DNAH11: variants seen among roughly 807,000 people sequenced by gnomAD.
The protein encoded by DNAH11 is dynein axonemal heavy chain 11.
Under a neutral mutation model 526.0 loss-of-function variants are expected in DNAH11, and 442 were observed. The ratio of observed to expected loss-of-function variants is 0.84; its 90% CI spans 0.78 to 0.91. The LOEUF (loss-of-function observed/expected upper bound fraction) is 0.91. DNAH11 is among the 40% of genes least tolerant of loss of function. The pLI, the probability that DNAH11 is intolerant of heterozygous loss-of-function variation, is 0.00. For missense variants in DNAH11, 6,989 were observed against 5,448.7 expected, an observed-to-expected ratio of 1.28 and a Z score of -8.90; for synonymous variants, 2,461 against 1,935.9, an observed-to-expected ratio of 1.27 and a Z score of -7.12.
At chr7:21,653,504 G>T (rs17747892) in intron 28 of DNAH11, among the ~76,000 whole-genome samples, 7,838 of 152,228 alleles carry the variant, frequency 0.051, 228 homozygotes, top group Middle Eastern at 0.061. Flanking sequence ...ATGTGTGAGG[G>T]TGTCTGATGG....
chr7:21,714,074 A>C (rs1784559125), intron 42 of DNAH11, among the ~76,000 whole-genome samples: 1 of 152,134 alleles, frequency 6.6e-6, no homozygotes, highest in South Asian at 2.1e-4. Flanking sequence ...AGTGAATCTC[A>C]CAGCTCCCAA....
At chr7:21,868,068 C>T (rs1783352959) in intron 72 of DNAH11, 61 bp downstream of exon 72, 2 of 1,348,886 alleles carry the variant, frequency 1.5e-6, no homozygotes, top group African/African-American at 1.5e-5. Context: ...CACCCCCACC[C>T]CTGCCCTTCT....
intron 43 of DNAH11, among the ~76,000 whole-genome samples, chr7:21,718,621 A>G (rs73682683): frequency 0.05 from 7,630 of 152,210 alleles, 548 homozygotes; most frequent in East Asian, 0.21. Context: ...ATAATTCACA[A>G]CACACAGAAA....
chr7:21,549,988 C>T (rs76461153), intron 2 of DNAH11, among the ~76,000 whole-genome samples: 3,808 of 152,266 alleles, frequency 0.025, 82 homozygotes, highest in Non-Finnish European at 0.041. Context: ...CTGCCCGTTT[C>T]CATTTTGACC....
rs73682664 is a variant in DNAH11 at position 21,644,079 on chromosome 7, A to G, written c.4944+5014A>G. Among the ~76,000 whole-genome samples the G allele has an allele frequency of 2.8e-3, 430 of 152,334 alleles. 1 individual carries two copies. Among genetic ancestry groups the G allele is most frequent in the African/African-American group, 9.7e-3 (404 of 41,584 alleles). ...AATCTACACACAAGGAAATCTGCCA[A>G]CTTGTCTTTGGAGAAATCCCCTAAA... On this transcript the variant is annotated intron_variant, in intron 28 of 81. Coordinates refer to ENST00000409508, the MANE Select transcript of DNAH11 (RefSeq NM_001277115.2).
rs140536962 is a variant in DNAH11 at position 21,890,535 on chromosome 7, T to C, written c.12508-1890T>C. ...GTGGCTTCTGAAATTTCTTTCAATT[T>C]CCTAGTAAGCACAAACAGAGAAGAC... On this transcript the variant is annotated intron_variant, in intron 76 of 81. Coordinates refer to ENST00000409508, the MANE Select transcript of DNAH11 (RefSeq NM_001277115.2). Among the ~76,000 whole-genome samples the C allele has an allele frequency of 1.1e-3, 165 of 152,336 alleles. 2 individuals carry two copies. Among genetic ancestry groups the C allele is most frequent in the African/African-American group, 3.8e-3 (159 of 41,574 alleles).
chr7:21,612,633 G>A (rs1160057355), intron 20 of DNAH11, among the ~76,000 whole-genome samples: 2 of 150,656 alleles, frequency 1.3e-5, no homozygotes, highest in Non-Finnish European at 2.9e-5. Context: ...TTCAAGAAAC[G>A]GATCTCATTC....
intron 63 of DNAH11, among the ~76,000 whole-genome samples, chr7:21,813,351 C>T (rs1036605602): frequency 1.3e-5 from 2 of 152,142 alleles, no homozygotes; most frequent in Non-Finnish European, 2.9e-5. Context: ...ATTACAAGCA[C>T]TAATGCTAAG....
chr7:21,642,246 A>G (rs1787162901), intron 28 of DNAH11, among the ~76,000 whole-genome samples: 1 of 137,586 alleles, frequency 7.3e-6, no homozygotes, highest in Admixed American at 7.4e-5. Context: ...CACTGTTACT[A>G]AAGGTCTATC....
chr7:21,768,316 C>T (rs1989904), intron 55 of DNAH11, among the ~76,000 whole-genome samples: 142,341 of 152,306 alleles, frequency 0.93, 66,682 homozygotes, highest in African/African-American at 0.97. Flanking sequence ...GATTAGTACA[C>T]GGTTTCTACA....
At position 21,543,414 on chromosome 7, in the gene DNAH11, G is replaced by A. The variant is rs1329734858; in HGVS notation, c.169G>A (p.Ala57Thr). 13 of 1,554,526 alleles carry A rather than the reference G, an allele frequency of 8.4e-6. No individual in the cohort carries two copies. The South Asian group carries it at 1.5e-4, about 18-fold the overall frequency. ...GAGAGCGCGGAGTTTCGCCCAAGAC[G>A]CGCGGGTGCGCTTCCTCGGCGGCCG... ...ARRARSFAQDARVRFLGGRLA... is the reference protein window; with the variant it reads ...ARRARSFAQDTRVRFLGGRLA... The change falls in exon 1 of 82, where the codon GCG becomes ACG. Residue 57 changes from alanine to threonine, a missense_variant. Coordinates refer to ENST00000409508, the MANE Select transcript of DNAH11 (RefSeq NM_001277115.2).
chr7:21,645,496 T>C (rs1321189665), intron 28 of DNAH11, among the ~76,000 whole-genome samples: 1 of 152,106 alleles, frequency 6.6e-6, no homozygotes, highest in African/African-American at 2.4e-5. Context: ...GCCAACGGCA[T>C]GAGAAGCTGA....
intron 8 of DNAH11, among the ~76,000 whole-genome samples, chr7:21,578,253 G>A (rs905835066): frequency 6.6e-6 from 1 of 152,218 alleles, no homozygotes; most frequent in Non-Finnish European, 1.5e-5. Flanking sequence ...TACACGTATT[G>A]GGTAAATATT....
rs113270736 is a variant in DNAH11, at chr7:21,619,242, G to T, written c.4377+20G>T. The T allele has an allele frequency of 6.2e-7, 1 of 1,603,288 alleles. No homozygotes were observed. Among genetic ancestry groups the T allele is most frequent in the South Asian group, 1.1e-5 (1 of 88,970 alleles). On this transcript the variant is annotated intron_variant, in intron 24 of 81. Coordinates refer to ENST00000409508, the MANE Select transcript of DNAH11 (RefSeq NM_001277115.2). ...GAGAAGGTAGTGTCCTCGGGACTGG[G>T]TCATTTCTACTTGGCTAATTTTGGG... is the stretch of plus-strand genomic sequence containing the variant.
intron 65 of DNAH11, among the ~76,000 whole-genome samples, chr7:21,827,014 T>C (rs1430092766): frequency 6.6e-6 from 1 of 152,224 alleles, no homozygotes; most frequent in African/African-American, 2.4e-5. Flanking sequence ...AAGTAATGAA[T>C]ACTAATTACT....
chr7:21,741,813 A>G, intron 48 of DNAH11, 114 bp from the exon 49 acceptor site: 1 of 1,250,292 alleles, frequency 8.0e-7, no homozygotes, highest in Admixed American at 2.5e-5. Flanking sequence ...TGGAGCACTA[A>G]AAAGCTACAT....
intron 49 of DNAH11, among the ~76,000 whole-genome samples, 188 bp downstream of exon 49, chr7:21,742,354 G>A (rs1284188833): frequency 6.6e-6 from 1 of 152,148 alleles, no homozygotes; most frequent in Non-Finnish European, 1.5e-5. Flanking sequence ...TCTGGTGAGG[G>A]CCTCAGGAGC....
At chr7:21,798,310 G>A (rs1788808806) in intron 61 of DNAH11, among the ~76,000 whole-genome samples, 1 of 152,160 alleles carries the variant, frequency 6.6e-6, no homozygotes, top group Admixed American at 6.5e-5. Flanking sequence ...TGGCCAAGCC[G>A]ATCTTGAAGT....
intron 57 of DNAH11, 54 bp downstream of exon 57, chr7:21,779,158 CCT>C: frequency 6.5e-7 from 1 of 1,549,034 alleles, no homozygotes; most frequent in Non-Finnish European, 8.8e-7. Flanking sequence ...ACAAAATAAA[CCT>C]TGGTAGGTGA....
Sources: gnomAD v4.1 joint callset for allele counts (sites outside exome capture counted in the v4.1 genomes callset) on GRCh38, gnomAD v4.1.1 for gene constraint, MANE v1.5 for transcripts, NCBI Gene and HGNC (gene_info 2026-07-23, HGNC 2026-07-21) for gene names.